Variants in TENM2 observed in about 807,000 individuals in gnomAD.
TENM2 encodes the protein teneurin transmembrane protein 2.
TENM2 carries 52 observed loss-of-function variants against 245.2 expected under a neutral mutation model. That is an observed-to-expected ratio of 0.21 (90% CI 0.17 to 0.27). The LOEUF (loss-of-function observed/expected upper bound fraction) is 0.27. Ranked by LOEUF, TENM2 falls within the 10% of genes least tolerant of loss-of-function variation. The pLI, the probability that TENM2 is intolerant of heterozygous loss-of-function variation, is 1.00. For synonymous variants in TENM2, 1,363 were observed against 1,438.9 expected, an observed-to-expected ratio of 0.95 and a Z score of 1.19; for missense variants, 3,046 against 3,666.8, an observed-to-expected ratio of 0.83 and a Z score of 4.37.
the TENM2 span, among the ~76,000 whole-genome samples, chr5:167,089,098 C>A: frequency 6.6e-6 from 1 of 152,142 alleles, no homozygotes; most frequent in Non-Finnish European, 1.5e-5. Flanking sequence ...ATAAAAATTT[C>A]TTGTAAACTT....
chr5:167,425,247 T>C (rs1469469235), intron 2 of TENM2, among the ~76,000 whole-genome samples: 1 of 152,158 alleles, frequency 6.6e-6, no homozygotes, highest in African/African-American at 2.4e-5. Context: ...ATAAATCAAA[T>C]GAAATAATCC....
At chr5:167,782,200 C>T (rs539117483) in intron 2 of TENM2, among the ~76,000 whole-genome samples, 1 of 150,108 alleles carries the variant, frequency 6.7e-6, no homozygotes, top group Admixed American at 6.7e-5. Flanking sequence ...GTAATCCCAG[C>T]TACTCGGGAG....
intron 2 of TENM2, among the ~76,000 whole-genome samples, chr5:167,689,756 TTTTTTTTC>T (rs752337956): frequency 2.0e-5 from 3 of 152,100 alleles, no homozygotes; most frequent in South Asian, 2.1e-4. Flanking sequence ...TCATCTGTTC[TTTTTTTTC>T]TTTTTTTCTT....
At chr5:167,620,580 G>A (rs549392180) in intron 2 of TENM2, among the ~76,000 whole-genome samples, 13 of 98,234 alleles carry the variant, frequency 1.3e-4, no homozygotes, top group African/African-American at 4.1e-4. Flanking sequence ...TTCAAGAACT[G>A]AGCTCAAAAT....
chr5:168,188,108 A>C (rs538434953), intron 13 of TENM2, among the ~76,000 whole-genome samples: 1 of 152,376 alleles, frequency 6.6e-6, no homozygotes, highest in East Asian at 1.9e-4. Flanking sequence ...ATGCATTAAA[A>C]TAATTGCACA....
chr5:167,238,126 G>A, the TENM2 span, among the ~76,000 whole-genome samples: 1 of 151,896 alleles, frequency 6.6e-6, no homozygotes, highest in African/African-American at 2.4e-5. Flanking sequence ...AGAAGGGTTG[G>A]ATTCCTAATA....
the TENM2 span, among the ~76,000 whole-genome samples, chr5:167,144,048 A>G: frequency 6.6e-6 from 1 of 152,178 alleles, no homozygotes; most frequent in South Asian, 2.1e-4. Context: ...TCACATTGAA[A>G]TGAGGGGGTT....
chr5:167,781,848 C>G (rs1173046861), intron 2 of TENM2, among the ~76,000 whole-genome samples: 1 of 150,918 alleles, frequency 6.6e-6, no homozygotes, highest in African/African-American at 2.4e-5. Flanking sequence ...AAAACCCTGT[C>G]CCTACCAAAC....
intron 4 of TENM2, among the ~76,000 whole-genome samples, chr5:167,981,599 C>G (rs1782839798): frequency 6.6e-6 from 1 of 152,164 alleles, no homozygotes; most frequent in Non-Finnish European, 1.5e-5. Flanking sequence ...CTCTCCTACC[C>G]TAGTAATTTT....
At chr5:167,259,402 C>T in the TENM2 span, among the ~76,000 whole-genome samples, 1 of 152,110 alleles carries the variant, frequency 6.6e-6, no homozygotes, top group African/African-American at 2.4e-5. Flanking sequence ...TGTGTAATTT[C>T]CTAGTTTGCA....
intron 13 of TENM2, among the ~76,000 whole-genome samples, chr5:168,170,527 A>G (rs909440198): frequency 6.6e-6 from 1 of 152,088 alleles, no homozygotes; most frequent in African/African-American, 2.4e-5. Context: ...AGAGAGAGAG[A>G]AAGACAGGAG....
chr5:167,305,906 T>C (rs1388879786), intron 1 of TENM2, among the ~76,000 whole-genome samples: 2 of 152,212 alleles, frequency 1.3e-5, no homozygotes, highest in African/African-American at 4.8e-5. Flanking sequence ...GAGATTATGA[T>C]CAGCAGAGCT....
At chr5:167,690,850 T>C (rs932318528) in intron 2 of TENM2, among the ~76,000 whole-genome samples, 6 of 151,944 alleles carry the variant, frequency 3.9e-5, no homozygotes, top group African/African-American at 7.3e-5. Context: ...CACACATATA[T>C]GTTTGTATAT....
chr5:168,099,205 C>T (rs551114394), intron 9 of TENM2, among the ~76,000 whole-genome samples: 10 of 152,146 alleles, frequency 6.6e-5, no homozygotes, highest in Non-Finnish European at 1.3e-4. Context: ...CCACTGTGCC[C>T]GGCCTCGTTT....
intron 9 of TENM2, among the ~76,000 whole-genome samples, chr5:168,109,832 G>C (rs1048202197): frequency 6.6e-6 from 1 of 152,156 alleles, no homozygotes; most frequent in Non-Finnish European, 1.5e-5. Context: ...TGCCAGGCAG[G>C]CATGGAGGAG....
chr5:167,046,995 G>C, the TENM2 span, among the ~76,000 whole-genome samples: 2 of 152,180 alleles, frequency 1.3e-5, no homozygotes, highest in African/African-American at 2.4e-5. Flanking sequence ...GAGGATGATG[G>C]CTTCCAGCTT....
intron 2 of TENM2, among the ~76,000 whole-genome samples, chr5:167,753,493 A>G (rs1762091818): frequency 6.6e-6 from 1 of 152,174 alleles, no homozygotes; most frequent in African/African-American, 2.4e-5. Flanking sequence ...TTAGGAAGAG[A>G]CTGGATGTTG....
chr5:167,194,238 G>A, the TENM2 span, among the ~76,000 whole-genome samples: 1 of 151,984 alleles, frequency 6.6e-6, no homozygotes, highest in Non-Finnish European at 1.5e-5. Context: ...TTGTGTACCG[G>A]TGACACATTA....
At chr5:167,429,667 A>G (rs933790567) in intron 2 of TENM2, among the ~76,000 whole-genome samples, 4 of 140,660 alleles carry the variant, frequency 2.8e-5, no homozygotes, top group Non-Finnish European at 6.0e-5. Context: ...AGTGCAGTGA[A>G]GCGACCGCGG....
Sources: allele counts gnomAD v4.1 joint callset (sites outside exome capture counted in the v4.1 genomes callset), GRCh38; gene constraint gnomAD v4.1.1; transcripts MANE v1.5; gene names NCBI Gene and HGNC (gene_info 2026-07-23, HGNC 2026-07-21).